The following ZBTB40 variants were observed in gnomAD, a reference collection of about 807,000 sequenced individuals.
ZBTB40 encodes zinc finger and BTB domain containing 40.
A neutral mutation model predicts 117.5 loss-of-function variants in ZBTB40; 60 were observed. The ratio of observed to expected loss-of-function variants is 0.51; its 90% CI spans 0.41 to 0.63. The LOEUF is 0.63. Ranked by LOEUF, ZBTB40 falls within the 30% of genes least tolerant of loss-of-function variation. The pLI, the probability that ZBTB40 is intolerant of heterozygous loss-of-function variation, is 0.00. For missense variants in ZBTB40, 1,287 were observed against 1,498.5 expected, an observed-to-expected ratio of 0.86 and a Z score of 2.33; for synonymous variants, 525 against 577.1, an observed-to-expected ratio of 0.91 and a Z score of 1.29.
At chr1:22,472,564 G>A (rs146733261) in intron 1 of ZBTB40, among the ~76,000 whole-genome samples, 1 of 152,314 alleles carries the variant, frequency 6.6e-6, no homozygotes, top group East Asian at 1.9e-4. Flanking sequence ...ACAGCTTTCA[G>A]GGGATCTGAG....
intron 1 of ZBTB40, among the ~76,000 whole-genome samples, chr1:22,458,589 C>T (rs1641058081): frequency 6.6e-6 from 1 of 152,142 alleles, no homozygotes; most frequent in Non-Finnish European, 1.5e-5. Flanking sequence ...TTCCTTTTTT[C>T]CTTAGAATAT....
At chr1:22,441,473 C>CTTTTTTTTTTTTTTTTTTTT (rs71020419) in intron 1 of ZBTB40, among the ~76,000 whole-genome samples, 6 of 73,726 alleles carry the variant, frequency 8.1e-5, no homozygotes, top group Non-Finnish European at 1.5e-4. Flanking sequence ...TATTTGCTTT[C>CTTTTTTTTTTTTTTTTTTTT]TTTTTTTTTT....
At chr1:22,445,606 C>T (rs1640779297) in intron 1 of ZBTB40, among the ~76,000 whole-genome samples, 1 of 152,030 alleles carries the variant, frequency 6.6e-6, no homozygotes, top group Non-Finnish European at 1.5e-5. Flanking sequence ...GCCTGTAATC[C>T]CAGCACTTTG....
intron 1 of ZBTB40, 38 bp from the exon 2 acceptor site, chr1:22,489,842 T>C: frequency 9.6e-7 from 1 of 1,044,970 alleles, no homozygotes; most frequent in South Asian, 1.3e-5. Flanking sequence ...CCTATGGTTT[T>C]TTGAAGTTTT....
intron 1 of ZBTB40, among the ~76,000 whole-genome samples, chr1:22,445,485 G>C (rs1395837248): frequency 3.3e-5 from 5 of 152,004 alleles, no homozygotes; most frequent in Admixed American, 2.6e-4. Context: ...ATCACTAAAG[G>C]CCTATTTACA....
rs767913519 is a variant in ZBTB40 at position 22,433,432 on chromosome 1, CAAAAAAA to C, written c.-70+4437_-70+4443del. Among the ~76,000 whole-genome samples, 20 of 8,768 alleles carry C rather than the reference CAAAAAAA, an allele frequency of 2.3e-3. 1 individual carries two copies. Among genetic ancestry groups the C allele is most frequent in the South Asian group, 7.9e-3 (1 of 126 alleles). The allele number at this position is 8,768 out of a possible 152,430, so 5.8% of individuals were successfully genotyped here. A position where few individuals can be genotyped will look rare whatever the true frequency, so the allele number is the denominator to read the frequency against. Reference sequence around the variant, plus strand: ...TGGGCGACAGAGCAAGACGCCCTCTCAAAAAAAAAAAAAAAAAAAAAAAAAGACAGCT... The same window carrying C: ...TGGGCGACAGAGCAAGACGCCCTCTCAAAAAAAAAAAAAAAAAAGACAGCT... On this transcript the variant is annotated intron_variant, in intron 1 of 8. Transcript: ENST00000650433.
chr1:22,527,803 C>T lies in ZBTB40; in HGVS notation c.*1407C>T, dbSNP rs1015865786. 6.6e-6 allele frequency: 1 copy of T among 152,440 alleles called. No homozygotes were observed. 9.4% of individuals were successfully genotyped at this position (152,440 alleles called of 1,614,324 possible). Reference sequence around the variant, plus strand: ...TTATTGCTCCCACATGGTCAGGTCTCACCCTGCTTGAAGCGCAGAAGGCAC... The same window carrying T: ...TTATTGCTCCCACATGGTCAGGTCTTACCCTGCTTGAAGCGCAGAAGGCAC... On this transcript the variant is annotated 3_prime_UTR_variant, in exon 18 of 18. Coordinates refer to ENST00000375647, the MANE Select transcript of ZBTB40 (RefSeq NM_014870.4).
chr1:22,488,895 A>T (rs1638546777), intron 1 of ZBTB40, among the ~76,000 whole-genome samples: 1 of 152,032 alleles, frequency 6.6e-6, no homozygotes, highest in African/African-American at 2.4e-5. Flanking sequence ...GTTTGGACTG[A>T]CTAGAGAGGA....
intron 1 of ZBTB40, among the ~76,000 whole-genome samples, chr1:22,466,720 T>C (rs1167384684): frequency 6.6e-6 from 1 of 151,752 alleles, no homozygotes; most frequent in South Asian, 2.1e-4. Flanking sequence ...CCTTTGCCCA[T>C]TTTAAAATTG....
At chr1:22,496,948 G>C (rs147616543) in intron 3 of ZBTB40, among the ~76,000 whole-genome samples, 140 of 152,314 alleles carry the variant, frequency 9.2e-4, no homozygotes, top group Non-Finnish European at 1.5e-4. Context: ...AGGGAAACCG[G>C]CAGTGCAGCC....
At chr1:22,520,503 T>G (rs1250320666) in intron 14 of ZBTB40, among the ~76,000 whole-genome samples, 4 of 152,202 alleles carry the variant, frequency 2.6e-5, no homozygotes, top group East Asian at 1.9e-4. Context: ...TTCATACGCT[T>G]CTTCTCTTAG....
chr1:22,516,629 C>G (rs1639379825), intron 12 of ZBTB40, among the ~76,000 whole-genome samples: 1 of 152,078 alleles, frequency 6.6e-6, no homozygotes, highest in Non-Finnish European at 1.5e-5. Flanking sequence ...TGTGGTAGAC[C>G]CTGGGATCCG....
rs1433457641 is a variant in ZBTB40 at position 22,508,075 on chromosome 1, G to A, written c.1435G>A (p.Asp479Asn). The A allele has an allele frequency of 6.2e-7, 1 of 1,614,130 alleles. No homozygotes were observed. ...TGAAAACCTCTCTGAGATTTTCACA[G>A]ACAACCAGATTTTATTAAAGATGAT... ...YHENLSEIFTDNQILLKMISH... is the reference protein window; with the variant it reads ...YHENLSEIFTNNQILLKMISH... Residue 479 changes from aspartate (D) to asparagine (N), a missense_variant, in exon 7 of 18, where the codon GAC becomes AAC. Around this residue, in one of 2 missense-constraint regions of ZBTB40, gnomAD observed 870 missense variants for 934.4 expected, o/e 0.93. Coordinates refer to ENST00000375647, the MANE Select transcript of ZBTB40 (RefSeq NM_014870.4).
At chr1:22,502,238 G>A in intron 4 of ZBTB40, 61 bp from the exon 5 acceptor site, 1 of 1,561,672 alleles carries the variant, frequency 6.4e-7, no homozygotes, top group South Asian at 1.2e-5. Flanking sequence ...GACAAACCAT[G>A]CTGTCATTTT....
intron 1 of ZBTB40, among the ~76,000 whole-genome samples, chr1:22,470,752 G>A (rs796952836): frequency 6.6e-6 from 1 of 152,208 alleles, no homozygotes; most frequent in South Asian, 2.1e-4. Flanking sequence ...TAATAGACGA[G>A]ACATCACAGA....
At chr1:22,441,225 A>T (rs762333808) in intron 1 of ZBTB40, among the ~76,000 whole-genome samples, 1 of 151,954 alleles carries the variant, frequency 6.6e-6, no homozygotes, top group Non-Finnish European at 1.5e-5. Context: ...TGTTTCTGGG[A>T]ATTTATACAT....
At chr1:22,524,093 G>A in intron 16 of ZBTB40, 125 bp from the exon 17 acceptor site, 1 of 893,288 alleles carries the variant, frequency 1.1e-6, no homozygotes, top group Non-Finnish European at 1.8e-6. Context: ...CCCACAAAAT[G>A]TGGATCCGCC....
chr1:22,441,490 T>TTTTTTTTTTTTTTTTTTC, intron 1 of ZBTB40, among the ~76,000 whole-genome samples: 1 of 143,432 alleles, frequency 7.0e-6, no homozygotes, highest in Non-Finnish European at 1.5e-5. Flanking sequence ...TTTTTTTTTT[T>TTTTTTTTTTTTTTTTTTC]TTTTTGAGAC....
chr1:22,479,897 G>A (rs1638240073), intron 1 of ZBTB40, among the ~76,000 whole-genome samples: 1 of 151,872 alleles, frequency 6.6e-6, no homozygotes, highest in Admixed American at 6.6e-5. Flanking sequence ...TAATTTTGTA[G>A]TCCTGTAAGT....
Sources: gnomAD v4.1 joint callset for allele counts (sites outside exome capture counted in the v4.1 genomes callset) on GRCh38, gnomAD v4.1.1 for gene constraint, gnomAD v4.1.1 regional missense constraint, MANE v1.5 for transcripts, NCBI Gene and HGNC (gene_info 2026-07-23, HGNC 2026-07-21) for gene names.